The following ATP2B2 variants were observed in gnomAD, a reference collection of about 807,000 sequenced individuals.
The protein encoded by ATP2B2 is plasma membrane calcium-transporting ATPase 2.
In ATP2B2, 15 loss-of-function variants were observed where a neutral mutation model predicts 120.0. The observed-to-expected ratio is 0.12, with a 90% CI of 0.08 to 0.19. The LOEUF (loss-of-function observed/expected upper bound fraction) is 0.19. Among genes scored for constraint, ATP2B2 ranks in the 10% least tolerant of loss-of-function variants. The probability of loss-of-function intolerance (pLI) is 1.00; values close to 1 mark genes in which losing one functional copy is unlikely to be tolerated. For synonymous variants in ATP2B2, 694 were observed against 700.3 expected, an observed-to-expected ratio of 0.99 and a Z score of 0.14; for missense variants, 1,045 against 1,719.8, an observed-to-expected ratio of 0.61 and a Z score of 6.94.
intron 8 of ATP2B2, among the ~76,000 whole-genome samples, chr3:10,381,124 G>A (rs1467238918): frequency 1.3e-5 from 2 of 152,156 alleles, no homozygotes; most frequent in Non-Finnish European, 1.5e-5. Flanking sequence ...TGGCTTCCCC[G>A]AACCTCGCCC....
chr3:10,582,598 C>A (rs1254011975), intron 2 of ATP2B2, among the ~76,000 whole-genome samples: 3 of 152,170 alleles, frequency 2.0e-5, no homozygotes, highest in Middle Eastern at 6.3e-3. Flanking sequence ...TGCAGTTGGG[C>A]AGTGAGGGCC....
chr3:10,402,200 C>T lies in ATP2B2; in HGVS notation c.546G>A (p.Leu182=). The change falls in exon 4 of 23, where the codon CTG becomes CTA. Residue 182 remains leucine (L), a synonymous_variant. Coordinates refer to ENST00000360273, the MANE Select transcript of ATP2B2 (RefSeq NM_001001331.4). This position sits in a 1 kb window ranked among gnomAD's most constrained non-coding sequence, Gnocchi z 4.9. ...TCTGTTCCTGCTCGATGCGGCTCTG[C>T]AGGCCCCGGAACTGTTTCTCTTTGC... ...DWSKEKQFRG[L]QSRIEQEQKF... The T allele has an allele frequency of 6.2e-7, 1 of 1,614,242 alleles. No homozygotes were observed. Among genetic ancestry groups the T allele is most frequent in the Non-Finnish European group, 8.5e-7 (1 of 1,180,050 alleles).
intron 2 of ATP2B2, among the ~76,000 whole-genome samples, chr3:10,601,988 C>T (rs943518280): frequency 1.3e-5 from 2 of 152,228 alleles, no homozygotes; most frequent in African/African-American, 4.8e-5. Context: ...TAACCCTGAA[C>T]GTGACCCTGG....
intron 2 of ATP2B2, among the ~76,000 whole-genome samples, chr3:10,439,315 T>A (rs901743601): frequency 6.6e-6 from 1 of 152,060 alleles, no homozygotes; most frequent in Non-Finnish European, 1.5e-5. Flanking sequence ...GGCTGAGGCA[T>A]GGAACAGGGT....
At chr3:10,456,188 C>T (rs899619078) in intron 1 of ATP2B2, among the ~76,000 whole-genome samples, 9 of 152,350 alleles carry the variant, frequency 5.9e-5, no homozygotes. Flanking sequence ...CCCAAACCAA[C>T]AGCTTTTCAA....
At position 10,342,613 on chromosome 3, in the gene ATP2B2, A is replaced by T; in HGVS notation, c.2917+139T>A. On this transcript the variant is annotated intron_variant, in intron 19 of 22. Transcript: ENST00000360273. The surrounding 1 kb of genome is among the most constrained non-coding windows in gnomAD (Gnocchi z 4.4). ...TTGCTGGTGTGACCTTGGGCAACTTACTTGACCTCCCTGGGCCTCAATTTC... is the reference window on the plus strand; with the variant it reads ...TTGCTGGTGTGACCTTGGGCAACTTTCTTGACCTCCCTGGGCCTCAATTTC... 9.7e-7 allele frequency: 1 copy of T among 1,029,762 alleles called. No individual in the cohort carries two copies. Among genetic ancestry groups the T allele is most frequent in the Non-Finnish European group, 1.5e-6 (1 of 685,148 alleles). The allele number at this position is 1,029,762 out of a possible 1,614,324, so 63.8% of individuals were successfully genotyped here. A position where few individuals can be genotyped will look rare whatever the true frequency, so the allele number is the denominator to read the frequency against.
chr3:10,571,109 G>A (rs1477376759), intron 2 of ATP2B2, among the ~76,000 whole-genome samples: 2 of 152,226 alleles, frequency 1.3e-5, no homozygotes, highest in Non-Finnish European at 2.9e-5. Context: ...GGGGAAAGGT[G>A]GAAGTTTGGG....
chr3:10,338,295 T>C lies in ATP2B2; in HGVS notation c.3301A>G (p.Lys1101Glu). Residue 1101 changes from lysine to glutamate, a missense_variant, in exon 22 of 23, where the codon AAG becomes GAG. By Grantham distance (56) the Lys-to-Glu change is moderately conservative. This residue lies in a region of ATP2B2 where 211 missense variants were observed against 385.1 expected (regional missense o/e 0.55). Transcript: ENST00000360273. ...AGCTCCTCCTCCGGGATCTCCTCCTTCTGTGTGAGCCTGCCTGCCTCCTTG... is the reference window on the plus strand; with the variant it reads ...AGCTCCTCCTCCGGGATCTCCTCCTCCTGTGTGAGCCTGCCTGCCTCCTTG... ...FLKEAGRLTQ[K>E]EEIPEEELNE... The C allele has an allele frequency of 6.2e-7, 1 of 1,614,122 alleles. No individual in the cohort carries two copies.
intron 1 of ATP2B2, among the ~76,000 whole-genome samples, chr3:10,467,291 C>G (rs1368480026): frequency 6.6e-6 from 1 of 152,144 alleles, no homozygotes; most frequent in Non-Finnish European, 1.5e-5. Flanking sequence ...CCTTGTGGAC[C>G]ACTGGTTATG....
At chr3:10,580,731 T>C (rs567330271) in intron 2 of ATP2B2, among the ~76,000 whole-genome samples, 1 of 152,332 alleles carries the variant, frequency 6.6e-6, no homozygotes, top group East Asian at 1.9e-4. Context: ...TCTGATCTTT[T>C]ATAGCATTTC....
At chr3:10,606,677 G>A (rs77820286) in intron 2 of ATP2B2, among the ~76,000 whole-genome samples, 1,768 of 152,182 alleles carry the variant, frequency 0.012, 26 homozygotes, top group African/African-American at 0.036. Context: ...GTCTGTGCCA[G>A]GTAAATGTGT....
chr3:10,401,604 C>T lies in ATP2B2; in HGVS notation c.655+487G>A, dbSNP rs187450888. On this transcript the variant is annotated intron_variant, in intron 4 of 22. Transcript: ENST00000360273. ...TCAAACTCCCTTTGGTGCCAGCCTG[C>T]CCGTTTTCTCCATGGCAGTAGCACA... 1.7e-3 allele frequency among the ~76,000 whole-genome samples: 255 copies of T among 152,328 alleles called. 1 individual carries two copies. The highest frequency in any genetic ancestry group is 0.012 in the South Asian group (57 of 4,824).
At chr3:10,532,899 TG>T (rs2067239152) in intron 3 of ATP2B2, among the ~76,000 whole-genome samples, 1 of 152,224 alleles carries the variant, frequency 6.6e-6, no homozygotes, top group African/African-American at 2.4e-5. Context: ...GGTTGCATGC[TG>T]GCTGCAAAGT....
chr3:10,576,370 G>A (rs2125552841), intron 2 of ATP2B2, among the ~76,000 whole-genome samples: 1 of 152,288 alleles, frequency 6.6e-6, no homozygotes, highest in South Asian at 2.1e-4. Flanking sequence ...CAATCAGAAT[G>A]ATTGTTCTTA....
At chr3:10,629,439 G>A (rs1283242832) in intron 1 of ATP2B2, among the ~76,000 whole-genome samples, 2 of 152,246 alleles carry the variant, frequency 1.3e-5, no homozygotes, top group Non-Finnish European at 2.9e-5. Context: ...GAAGGAGGAT[G>A]TGTTGATCAT....
chr3:10,510,444 GC>G (rs2125435529), upstream of ATP2B2, among the ~76,000 whole-genome samples: 1 of 152,390 alleles, frequency 6.6e-6, no homozygotes, highest in African/African-American at 2.4e-5. Flanking sequence ...CCTGTGGCGA[GC>G]CCAGAAACGC....
At chr3:10,471,924 CA>C (rs536243295) in intron 1 of ATP2B2, among the ~76,000 whole-genome samples, 2 of 151,280 alleles carry the variant, frequency 1.3e-5, no homozygotes, top group Non-Finnish European at 1.5e-5. Context: ...ACTAAAAATA[CA>C]AAAAAATTAG....
At chr3:10,511,953 G>A (rs991849736) in intron 3 of ATP2B2, among the ~76,000 whole-genome samples, 2 of 152,180 alleles carry the variant, frequency 1.3e-5, no homozygotes, top group Non-Finnish European at 2.9e-5. Context: ...AAAGGGAGCG[G>A]GTGGGGATGA....
At chr3:10,449,251 C>T in intron 2 of ATP2B2, 94 bp downstream of exon 2, 6 of 1,373,876 alleles carry the variant, frequency 4.4e-6, no homozygotes, top group East Asian at 2.4e-5. Context: ...TCTGACACAT[C>T]CCTGCTGTTA....
Sources: gnomAD v4.1 joint callset for allele counts (sites outside exome capture counted in the v4.1 genomes callset) on GRCh38, gnomAD v4.1.1 for gene constraint, gnomAD v4.1.1 regional missense constraint, Gnocchi (gnomAD v3.1) non-coding constraint, MANE v1.5 for transcripts, NCBI Gene and HGNC (gene_info 2026-07-23, HGNC 2026-07-21) for gene names.